The following MBP variants were observed in gnomAD, a reference collection of about 807,000 sequenced individuals.
MBP encodes the protein myelin basic protein.
In MBP, 16 loss-of-function variants were observed where a neutral mutation model predicts 35.8. The ratio of observed to expected loss-of-function variants is 0.45; its 90% confidence interval spans 0.30 to 0.68. The LOEUF (loss-of-function observed/expected upper bound fraction) is 0.68, where lower values mean the gene tolerates loss of function less well. Among genes scored for constraint, MBP ranks in the 30% least tolerant of loss-of-function variants. MBP has a pLI of 0.08. For missense variants in MBP, 380 were observed against 404.7 expected, an observed-to-expected ratio of 0.94 and a Z score of 0.52; for synonymous variants, 143 against 159.6, an observed-to-expected ratio of 0.90 and a Z score of 0.78.
At chr18:77,030,627 A>G (rs1305511774) in intron 3 of MBP, among the ~76,000 whole-genome samples, 1 of 152,240 alleles carries the variant, frequency 6.6e-6, no homozygotes, top group Admixed American at 6.5e-5. Flanking sequence ...TAATTGCTCA[A>G]ATTAATCCTT....
chr18:76,989,864 G>T lies in MBP; in HGVS notation c.681+92C>A. On this transcript the variant is annotated intron_variant, in intron 5 of 8. Transcript: ENST00000355994. The surrounding 1 kb of genome is among the most constrained non-coding windows in gnomAD (Gnocchi z 4.0). ...TGATGATGACCCCGGTGCCACCCCC[G>T]AGCGTACGAACGTCCTGTGTGGATG... is the stretch of plus-strand genomic sequence containing the variant. The T allele has an allele frequency of 2.7e-6, 3 of 1,122,014 alleles. No homozygotes were observed. Among genetic ancestry groups the T allele is most frequent in the East Asian group, 4.8e-5 (2 of 41,534 alleles). 69.5% of individuals were successfully genotyped at this position (1,122,014 alleles called of 1,614,324 possible). A position where few individuals can be genotyped will look rare whatever the true frequency, so the allele number is the denominator to read the frequency against.
chr18:77,044,482 C>T lies in MBP; in HGVS notation c.139+21816G>A, dbSNP rs563446955. Among the ~76,000 whole-genome samples, 1 of 152,240 alleles carries T rather than the reference C, an allele frequency of 6.6e-6. No individual in the cohort carries two copies. The highest frequency in any genetic ancestry group is 1.9e-4 in the East Asian group (1 of 5,146). On this transcript the variant is annotated intron_variant, in intron 3 of 8. Coordinates refer to ENST00000355994, the MANE Select transcript of MBP (RefSeq NM_001025101.2). This position sits in a 1 kb window ranked among gnomAD's most constrained non-coding sequence, Gnocchi z 4.4. Reference sequence around the variant, plus strand: ...CCAGCATGAAGTTCTACTGCAAGGGCCACTCTCCCTGTACAGGCCTTCCTG... The same window carrying T: ...CCAGCATGAAGTTCTACTGCAAGGGTCACTCTCCCTGTACAGGCCTTCCTG...
chr18:77,097,253 G>C (rs927605964), intron 2 of MBP: 15 of 152,410 alleles, frequency 9.8e-5, no homozygotes, highest in African/African-American at 3.6e-4. Context: ...CTCTCTACCT[G>C]TGAAGATGGG....
chr18:77,096,456 C>T (rs1288689004), intron 2 of MBP, among the ~76,000 whole-genome samples: 1 of 129,314 alleles, frequency 7.7e-6, no homozygotes, highest in Non-Finnish European at 1.7e-5. Flanking sequence ...ATTTGATGTG[C>T]AGCTTAAATA....
chr18:76,987,209 A>C, intron 7 of MBP: 1 of 985,444 alleles, frequency 1.0e-6, no homozygotes, highest in Non-Finnish European at 1.2e-6. Flanking sequence ...GAAAATTAAG[A>C]GCAGATAAAG....
chr18:76,990,543 G>A (rs1599480518), intron 4 of MBP, among the ~76,000 whole-genome samples: 1 of 152,184 alleles, frequency 6.6e-6, no homozygotes, highest in Admixed American at 6.5e-5. Flanking sequence ...GGAAGATCCT[G>A]TCTAAACTAG....
chr18:77,120,379 G>A (rs754721844), intron 1 of MBP, among the ~76,000 whole-genome samples: 1 of 152,190 alleles, frequency 6.6e-6, no homozygotes, highest in African/African-American at 2.4e-5. Flanking sequence ...GGGCTGTGAC[G>A]CCCAGAGGCA....
intron 2 of MBP, among the ~76,000 whole-genome samples, chr18:77,077,569 T>C (rs1359038223): frequency 1.3e-5 from 2 of 152,046 alleles, no homozygotes; most frequent in African/African-American, 4.8e-5. Context: ...CATAGCCCTG[T>C]GGTGGGGCAG....
Position 77,088,853 on chromosome 18 carries a change from G to A in MBP, c.51+16358C>T, listed in dbSNP as rs184368634. ...TTGAAGATGTCCTTATTTGGAAACAGAGTCTTTGCAGATTTAATGAAGTTA... is the reference window on the plus strand; with the variant it reads ...TTGAAGATGTCCTTATTTGGAAACAAAGTCTTTGCAGATTTAATGAAGTTA... On this transcript the variant is annotated intron_variant, in intron 2 of 8. Transcript: ENST00000355994. 2.0e-4 allele frequency among the ~76,000 whole-genome samples: 31 copies of A among 152,302 alleles called. No homozygotes were observed. In the East Asian group the frequency reaches 5.6e-3, roughly 27 times the overall value.
intron 3 of MBP, among the ~76,000 whole-genome samples, chr18:77,019,014 A>C (rs536243856): frequency 6.8e-6 from 1 of 147,618 alleles, no homozygotes; most frequent in Admixed American, 6.7e-5. Flanking sequence ...TCATGTATCC[A>C]TCTATTTACC....
At chr18:77,099,792 G>A (rs1050068145) in intron 2 of MBP, among the ~76,000 whole-genome samples, 3 of 152,236 alleles carry the variant, frequency 2.0e-5, no homozygotes, top group African/African-American at 7.2e-5. Context: ...GCCCTGGGGG[G>A]AGCCGCCAGC....
chr18:77,053,356 G>A (rs1239261269), intron 3 of MBP, among the ~76,000 whole-genome samples: 1 of 152,242 alleles, frequency 6.6e-6, no homozygotes, highest in African/African-American at 2.4e-5. Flanking sequence ...ACTGAGCTCC[G>A]TCCTCAGCCC....
intron 1 of MBP, among the ~76,000 whole-genome samples, chr18:77,129,616 C>T (rs1977173309): frequency 1.3e-5 from 2 of 152,194 alleles, no homozygotes; most frequent in South Asian, 4.1e-4. Context: ...GCTCAGCTGG[C>T]ATTAGGGCCT....
At chr18:77,120,777 T>C (rs893706336) in intron 1 of MBP, among the ~76,000 whole-genome samples, 1 of 152,164 alleles carries the variant, frequency 6.6e-6, no homozygotes, top group Admixed American at 6.5e-5. Flanking sequence ...TGTCACTCCA[T>C]GGAAAGAGGT....
chr18:77,094,738 G>A (rs1975688811), intron 2 of MBP, among the ~76,000 whole-genome samples: 1 of 152,196 alleles, frequency 6.6e-6, no homozygotes, highest in African/African-American at 2.4e-5. Flanking sequence ...TAGGGCAATG[G>A]GAGAATAAGG....
intron 3 of MBP, among the ~76,000 whole-genome samples, chr18:77,058,319 C>T (rs944569294): frequency 6.6e-6 from 1 of 152,188 alleles, no homozygotes; most frequent in Non-Finnish European, 1.5e-5. Context: ...ACTCTCAGGA[C>T]CCACCTGGGA....
Position 77,053,713 on chromosome 18 carries a change from G to A in MBP, c.139+12585C>T, listed in dbSNP as rs191331272. On this transcript the variant is annotated intron_variant, in intron 3 of 8. Coordinates refer to ENST00000355994, the MANE Select transcript of MBP (RefSeq NM_001025101.2). ...ATGTGGAACACTGCCATGTGCAAAT[G>A]AAGTCTTTGAGACAGGAGAGGAGAG... 2.0e-4 allele frequency among the ~76,000 whole-genome samples: 30 copies of A among 152,378 alleles called. 1 individual carries two copies. In the East Asian group the frequency reaches 4.2e-3, roughly 22 times the overall value.
At chr18:77,022,548 G>GA (rs35229872) in intron 3 of MBP, among the ~76,000 whole-genome samples, 80,718 of 152,020 alleles carry the variant, frequency 0.53, 21,722 homozygotes, top group East Asian at 0.61. Context: ...TTTTTGCAGG[G>GA]TGCAATGCTT....
chr18:77,124,851 A>G (rs1308003423), intron 1 of MBP, among the ~76,000 whole-genome samples: 1 of 152,196 alleles, frequency 6.6e-6, no homozygotes, highest in Non-Finnish European at 1.5e-5. Flanking sequence ...GCCAAGAAGG[A>G]AAAAGGGCTG....
Sources: allele counts gnomAD v4.1 joint callset (sites outside exome capture counted in the v4.1 genomes callset), GRCh38; gene constraint gnomAD v4.1.1; non-coding constraint Gnocchi (gnomAD v3.1); transcripts MANE v1.5; gene names NCBI Gene and HGNC (gene_info 2026-07-23, HGNC 2026-07-21).